The following NSUN6 variants were observed in gnomAD, a reference collection of about 807,000 sequenced individuals.
The protein encoded by NSUN6 is tRNA (cytosine(72)-C(5))-methyltransferase NSUN6.
In NSUN6, 64 loss-of-function variants were observed where a neutral mutation model predicts 58.0. That is an observed-to-expected ratio of 1.10 (90% CI 0.90 to 1.36). The LOEUF is 1.36. NSUN6 is among the 40% of genes most tolerant of loss of function. The pLI is 0.00. For synonymous variants in NSUN6, 231 were observed against 193.9 expected (o/e 1.19, Z -1.59); for missense variants, 701 against 550.1 (o/e 1.27, Z -2.74).
intron 3 of NSUN6, among the ~76,000 whole-genome samples, chr10:18,624,312 T>C (rs1348876369): frequency 6.6e-6 from 1 of 151,606 alleles, no homozygotes; most frequent in Non-Finnish European, 1.5e-5. Flanking sequence ...ACAGACAAGA[T>C]AAAACTTATC....
At chr10:18,622,210 T>C (rs572932326) in intron 3 of NSUN6, among the ~76,000 whole-genome samples, 2 of 152,252 alleles carry the variant, frequency 1.3e-5, no homozygotes, top group South Asian at 4.1e-4. Context: ...AGAATGCTCA[T>C]AAATGGGATC....
At chr10:18,577,769 C>T (rs2056724977) in intron 8 of NSUN6, among the ~76,000 whole-genome samples, 3 of 152,214 alleles carry the variant, frequency 2.0e-5, no homozygotes, top group Non-Finnish European at 2.9e-5. Context: ...TCACCTGCTC[C>T]ACCCTGACTC....
chr10:18,581,488 A>G (rs1449091250), intron 8 of NSUN6, among the ~76,000 whole-genome samples: 1 of 152,132 alleles, frequency 6.6e-6, no homozygotes, highest in Admixed American at 6.5e-5. Context: ...GGAGGTATGA[A>G]TACTCTATCC....
chr10:18,599,136 C>G (rs1035435824), intron 6 of NSUN6, among the ~76,000 whole-genome samples: 1 of 152,176 alleles, frequency 6.6e-6, no homozygotes, highest in Non-Finnish European at 1.5e-5. Flanking sequence ...CTCTTGGGCT[C>G]AAGAAATCCT....
intron 3 of NSUN6, among the ~76,000 whole-genome samples, chr10:18,635,663 C>T (rs1221719183): frequency 6.6e-6 from 1 of 151,790 alleles, no homozygotes; most frequent in African/African-American, 2.4e-5. Flanking sequence ...CATGGTAAAA[C>T]TCCGTCTCTG....
chr10:18,611,583 G>C (rs557819847), intron 5 of NSUN6, among the ~76,000 whole-genome samples: 1 of 152,050 alleles, frequency 6.6e-6, no homozygotes, highest in Non-Finnish European at 1.5e-5. Context: ...AGGCTGGAGC[G>C]CAGTGGCACA....
intron 10 of NSUN6, among the ~76,000 whole-genome samples, chr10:18,546,417 T>C (rs1043915751): frequency 1.3e-5 from 2 of 152,154 alleles, no homozygotes; most frequent in African/African-American, 2.4e-5. Context: ...AGCTTCCTAG[T>C]TGGAAACAAG....
intron 1 of NSUN6, 148 bp downstream of exon 1, chr10:18,650,981 G>T: frequency 1.2e-6 from 1 of 848,526 alleles, no homozygotes; most frequent in African/African-American, 1.8e-5. Flanking sequence ...AATACCTGTA[G>T]AAACATATTG....
intron 2 of NSUN6, among the ~76,000 whole-genome samples, chr10:18,646,793 C>T (rs191344652): frequency 1.1e-4 from 17 of 152,160 alleles, no homozygotes; most frequent in African/African-American, 3.6e-4. Context: ...ATCGTGCCAC[C>T]GCACTGCAGC....
At chr10:18,633,963 T>G (rs182119475) in intron 3 of NSUN6, among the ~76,000 whole-genome samples, 1 of 152,286 alleles carries the variant, frequency 6.6e-6, no homozygotes, top group East Asian at 1.9e-4. Flanking sequence ...CAGAGAAGAT[T>G]TGCAGTACTT....
rs373744608 is a variant in NSUN6, at chr10:18,548,208, C to A, written c.1101G>T (p.Val367=). Reference sequence around the variant, plus strand: ...TTATAGTGCACGTGCTATAAACCAGCACACCCTCTGGCTTCAGCAGCTGAA... The same window carrying A: ...TTATAGTGCACGTGCTATAAACCAGAACACCCTCTGGCTTCAGCAGCTGAA... ...AAVQLLKPEG[V]LVYSTCTITL... is the part of the protein sequence containing the mutation. Residue 367 remains valine (V), a synonymous_variant, in exon 10 of 11, where the codon GTG becomes GTT. Coordinates refer to ENST00000377304, the MANE Select transcript of NSUN6 (RefSeq NM_182543.5). 1 of 1,613,142 alleles carries A rather than the reference C, an allele frequency of 6.2e-7. No homozygotes were observed. The highest frequency in any genetic ancestry group is 1.3e-5 in the African/African-American group (1 of 74,898).
intron 8 of NSUN6, among the ~76,000 whole-genome samples, chr10:18,571,692 T>C (rs1414006900): frequency 6.6e-6 from 1 of 151,464 alleles, no homozygotes; most frequent in Non-Finnish European, 1.5e-5. Context: ...TCCATCTCCA[T>C]TCCATTCTCC....
At chr10:18,601,561 G>A (rs2057840314) in intron 6 of NSUN6, among the ~76,000 whole-genome samples, 1 of 151,850 alleles carries the variant, frequency 6.6e-6, no homozygotes, top group African/African-American at 2.4e-5. Flanking sequence ...AGCAGAACTA[G>A]GAGCAGGAAA....
upstream of NSUN6, chr10:18,651,974 T>G: frequency 1.0e-6 from 1 of 985,434 alleles, no homozygotes; most frequent in Admixed American, 6.1e-5. Flanking sequence ...GGCCAGAATT[T>G]GGGCGCATCA....
intron 8 of NSUN6, among the ~76,000 whole-genome samples, chr10:18,568,225 T>C (rs967839831): frequency 1.3e-5 from 2 of 151,264 alleles, no homozygotes; most frequent in Non-Finnish European, 3.0e-5. Flanking sequence ...CCGTCCATTA[T>C]CCATTTCATT....
At chr10:18,636,689 C>G (rs557244717) in intron 3 of NSUN6, among the ~76,000 whole-genome samples, 1 of 152,018 alleles carries the variant, frequency 6.6e-6, no homozygotes, top group Admixed American at 6.6e-5. Flanking sequence ...GTCAGGAGTT[C>G]GAGACCAGCC....
intron 3 of NSUN6, among the ~76,000 whole-genome samples, chr10:18,634,764 C>CAAACAAAACA (rs536322586): frequency 5.5e-4 from 83 of 150,204 alleles, no homozygotes; most frequent in Non-Finnish European, 9.8e-4. Context: ...CTCAAACAAA[C>CAAACAAAACA]AAACAAAACA....
intron 10 of NSUN6, 76 bp downstream of exon 10, chr10:18,548,036 T>G (rs2054388169): frequency 2.1e-6 from 3 of 1,418,668 alleles, no homozygotes. Flanking sequence ...ATCTCTTCGT[T>G]AACACCCTGA....
chr10:18,609,608 G>C (rs960497840), intron 6 of NSUN6, among the ~76,000 whole-genome samples: 4 of 152,094 alleles, frequency 2.6e-5, no homozygotes, highest in African/African-American at 9.7e-5. Context: ...ATTTTAATCA[G>C]TTATTAAATC....
Sources: allele counts gnomAD v4.1 joint callset (sites outside exome capture counted in the v4.1 genomes callset), GRCh38; gene constraint gnomAD v4.1.1; transcripts MANE v1.5; gene names NCBI Gene and HGNC (gene_info 2026-07-23, HGNC 2026-07-21).